The following CASKIN1 variants were observed in gnomAD, a reference collection of about 807,000 sequenced individuals.
CASKIN1 encodes caskin-1.
In CASKIN1, 42 loss-of-function variants were observed where a neutral mutation model predicts 117.5. The observed-to-expected ratio is 0.36, with a 90% CI of 0.28 to 0.46. The LOEUF (loss-of-function observed/expected upper bound fraction) is 0.46, where lower values mean the gene tolerates loss of function less well. Among genes scored for constraint, CASKIN1 ranks in the 20% least tolerant of loss-of-function variants. CASKIN1 has a pLI of 1.00. For synonymous variants in CASKIN1, 1,148 were observed against 961.7 expected (o/e 1.19, Z -3.59); for missense variants, 2,083 against 2,077.3 (o/e 1.00, Z -0.05).
intron 1 of CASKIN1, among the ~76,000 whole-genome samples, chr16:2,194,473 G>A (rs1440744256): frequency 6.6e-6 from 1 of 152,168 alleles, no homozygotes; most frequent in Non-Finnish European, 1.5e-5. Flanking sequence ...GCAACCAGAG[G>A]GGACCATGGA....
rs1030069400 is a variant in CASKIN1 at position 2,181,516 on chromosome 16, G to C, written c.1852C>G (p.Leu618Val). 6.2e-7 allele frequency: 1 copy of C among 1,607,640 alleles called. No individual in the cohort carries two copies. The highest frequency in any genetic ancestry group is 1.3e-5 in the African/African-American group (1 of 75,006). The change falls in exon 18 of 20, where the codon CTG becomes GTG. Residue 618 changes from leucine (L) to valine (V), a missense_variant. Leu to Val is a conservative substitution (Grantham distance 32, BLOSUM62 1). Coordinates refer to ENST00000343516, the MANE Select transcript of CASKIN1 (RefSeq NM_020764.4). ...AEYAKYEGGP[L>V]RRKAPQSLEV... is the part of the protein sequence containing the mutation. The stretch of plus-strand genomic sequence containing the variant: ...AGAGACTGGGGCGCCTTCCGGCGCA[G>C]GGGGCCCCCCTCATACTTGGCGTAT...
At chr16:2,185,278 C>T (rs144349037) in intron 11 of CASKIN1, 29 bp downstream of exon 11, 809 of 1,595,386 alleles carry the variant, frequency 5.1e-4, no homozygotes, top group Middle Eastern at 4.0e-3. Context: ...GAAGTCCTGC[C>T]ACCTCTGCCC....
At position 2,180,503 on chromosome 16, in the gene CASKIN1, C is replaced by G. The variant is rs1407451903; in HGVS notation, c.2865G>C (p.Ser955=). 1.3e-6 allele frequency: 2 copies of G among 1,549,500 alleles called. No homozygotes were observed. Among genetic ancestry groups the G allele is most frequent in the Non-Finnish European group, 1.7e-6 (2 of 1,153,626 alleles). The change falls in exon 18 of 20, where the codon TCG becomes TCC. Residue 955 remains serine, a synonymous_variant. Transcript: ENST00000343516. ...CCGCCAGGTTGGCACTAGCCAGGGC[C>G]GAGCTGGAGCGCTTGGGTGGGGGCG... The part of the protein sequence containing the change: ...PPPPPPKRSS[S]ALASANLADE...
chr16:2,180,821 C>G lies in CASKIN1; in HGVS notation c.2547G>C (p.Pro849=). The change falls in exon 18 of 20, where the codon CCG becomes CCC. Residue 849 remains proline (P), a synonymous_variant. Transcript: ENST00000343516. ...TCGGCACGGGTGGGGGCGCAGGCCC[C>G]GGGGCAGCCGGCCCCACCTCGCCCT... ...PVEGEVGPAA[P]GPAPPPVPTA... 1 of 1,386,734 alleles carries G rather than the reference C, an allele frequency of 7.2e-7. No individual in the cohort carries two copies. Among genetic ancestry groups the G allele is most frequent in the East Asian group, 2.9e-5 (1 of 34,864 alleles). The allele number at this position is 1,386,734 out of a possible 1,614,324, so 85.9% of individuals were successfully genotyped here. A position where few individuals can be genotyped will look rare whatever the true frequency, so the allele number is the denominator to read the frequency against.
At chr16:2,181,649 AG>A (rs1353852019) in intron 17 of CASKIN1, 50 bp from the exon 18 acceptor site, 1 of 201,792 alleles carries the variant, frequency 5.0e-6, no homozygotes, top group Non-Finnish European at 7.6e-6. Flanking sequence ...GCGGAGGGGC[AG>A]GGGCCGGGCT....
rs1395188923 is a variant in CASKIN1, at chr16:2,178,998, C to T, written c.4103G>A (p.Ser1368Asn). Residue 1368 changes from serine (S) to asparagine (N), a missense_variant, in exon 19 of 20, where the codon AGC (serine) becomes AAC (asparagine). Physicochemically the swap from Ser to Asn is conservative, Grantham distance 46. This residue lies in a region of CASKIN1 where 1,818 missense variants were observed against 1,688.9 expected (regional missense o/e 1.08). Transcript: ENST00000343516. ...TGTCTCCTCCAGTTTCTGCCGGGCG[C>T]TGTCCCCTGGCGAGGCGCCTTCGGG... Reference protein sequence around the residue: ...APPEGASPGDSARQKLEETSA... With the variant: ...APPEGASPGDNARQKLEETSA... 2.3e-6 allele frequency: 3 copies of T among 1,322,794 alleles called. No homozygotes were observed. The highest frequency in any genetic ancestry group is 2.8e-4 in the Middle Eastern group (1 of 3,516). The allele number at this position is 1,322,794 out of a possible 1,614,324, so 81.9% of individuals were successfully genotyped here.
intron 1 of CASKIN1, among the ~76,000 whole-genome samples, chr16:2,193,301 G>C (rs1255198076): frequency 6.6e-6 from 1 of 152,228 alleles, no homozygotes; most frequent in Non-Finnish European, 1.5e-5. Context: ...ACAGGCATGA[G>C]CCACCATGCC....
Position 2,179,765 on chromosome 16 carries a change from CG to C in CASKIN1, c.3602del (p.Pro1201ArgfsTer32). On this transcript the variant is annotated frameshift_variant, in exon 18 of 20. Coordinates refer to ENST00000343516, the MANE Select transcript of CASKIN1 (RefSeq NM_020764.4). LOFTEE classifies it high-confidence loss of function. The surrounding 1 kb of genome is among the most constrained non-coding windows in gnomAD (Gnocchi z 5.8). ...LPPPPPPAEP[P>X]PTDLAHLPPL... ...GGGGTAGGTGCGCCAGGTCGGTGGG[CG>C]GGGGTTCGGCAGGCGGGGGCGGTGG... 8.0e-7 allele frequency: 1 copy of C among 1,254,742 alleles called. No individual in the cohort carries two copies. 77.7% of individuals were successfully genotyped at this position (1,254,742 alleles called of 1,614,324 possible).
Position 2,181,132 on chromosome 16 carries a change from G to C in CASKIN1, c.2236C>G (p.Arg746Gly), listed in dbSNP as rs938203768. 1.4e-6 allele frequency: 2 copies of C among 1,477,026 alleles called. No homozygotes were observed. Among genetic ancestry groups the C allele is most frequent in the Admixed American group, 5.2e-5 (2 of 38,562 alleles). The allele number at this position is 1,477,026 out of a possible 1,614,324, so 91.5% of individuals were successfully genotyped here. A position where few individuals can be genotyped will look rare whatever the true frequency, so the allele number is the denominator to read the frequency against. Reference sequence around the variant, plus strand: ...GCCCTCTTGATGCTGTGGCCGTGGCGGCCGGGCCGGGCCTCCCTGGGCGGG... The same window carrying C: ...GCCCTCTTGATGCTGTGGCCGTGGCCGCCGGGCCGGGCCTCCCTGGGCGGG... ...GTPPREARPG[R>G]HGHSIKRASV... The change falls in exon 18 of 20, where the codon CGC (arginine) becomes GGC (glycine). Residue 746 changes from arginine to glycine, a missense_variant. By Grantham distance (125) the Arg-to-Gly change is moderately radical. Coordinates refer to ENST00000343516, the MANE Select transcript of CASKIN1 (RefSeq NM_020764.4).
chr16:2,187,049 G>A lies in CASKIN1; in HGVS notation c.859C>T (p.Arg287Trp), dbSNP rs767898785. Residue 287 changes from arginine to tryptophan, a missense_variant, in exon 9 of 20, where the codon CGG (arginine) becomes TGG (tryptophan). By Grantham distance (101) the Arg-to-Trp change is moderately radical. This residue lies in a region of CASKIN1 where 1,818 missense variants were observed against 1,688.9 expected (regional missense o/e 1.08). Transcript: ENST00000343516. The part of the protein sequence containing the change: ...LREASAALQV[R>W]ATKDYCNNYD... ...TTGTTGCAATAATCCTTGGTCGCCC[G>A]GACCTGCAGGGCCGCTGAGGCCTCT... 8 of 1,613,660 alleles carry A rather than the reference G, an allele frequency of 5.0e-6. No individual in the cohort carries two copies. The highest frequency in any genetic ancestry group is 1.1e-5 in the South Asian group (1 of 91,080).
chr16:2,189,734 G>A (rs1162107740), intron 3 of CASKIN1, among the ~76,000 whole-genome samples, 170 bp from the exon 4 acceptor site: 4 of 151,368 alleles, frequency 2.6e-5, no homozygotes, highest in African/African-American at 9.7e-5. Context: ...GGGGGCGGGG[G>A]TTTGCTGGGA....
In CASKIN1 at chr16:2,180,354, G is replaced by A. The variant is rs758788298; in HGVS notation, c.3014C>T (p.Ala1005Val). The change falls in exon 18 of 20, where the codon GCG (alanine) becomes GTG (valine). Residue 1005 changes from alanine (A) to valine (V), a missense_variant. Physicochemically the swap from Ala to Val is moderately conservative, Grantham distance 64. Around this residue, in one of 3 missense-constraint regions of CASKIN1, gnomAD observed 1,818 missense variants for 1,688.9 expected, o/e 1.08. Transcript: ENST00000343516. ...TGSAGSVKSI[A>V]AMLELSSIGG... The stretch of plus-strand genomic sequence containing the variant: ...AATGGAGGACAGCTCCAGCATGGCC[G>A]CGATGCTCTTCACACTGCCGGCACT... 6.3e-7 allele frequency: 1 copy of A among 1,596,554 alleles called. No homozygotes were observed. The highest frequency in any genetic ancestry group is 8.5e-7 in the Non-Finnish European group (1 of 1,177,640).
At chr16:2,178,697 G>T in intron 19 of CASKIN1, 51 bp from the exon 20 acceptor site, 13 of 1,496,896 alleles carry the variant, frequency 8.7e-6, no homozygotes, top group Non-Finnish European at 1.1e-5. Context: ...GTCTGGCCAC[G>T]CCCACCCCGA....
intron 10 of CASKIN1, 31 bp downstream of exon 10, chr16:2,186,676 T>C: frequency 5.7e-6 from 9 of 1,588,546 alleles, no homozygotes; most frequent in Non-Finnish European, 7.8e-6. Context: ...CAGGGGCTCC[T>C]GCCTGCCCCC....
chr16:2,184,238 T>A (rs1386452724), intron 14 of CASKIN1, among the ~76,000 whole-genome samples: 1 of 152,066 alleles, frequency 6.6e-6, no homozygotes, highest in African/African-American at 2.4e-5. Context: ...TGTCCCCTGC[T>A]CCTGCACCAG....
Position 2,181,416 on chromosome 16 carries a change from G to T in CASKIN1, c.1952C>A (p.Thr651Asn), listed in dbSNP as rs750636833. The T allele has an allele frequency of 1.2e-6, 2 of 1,612,230 alleles. No individual in the cohort carries two copies. Among genetic ancestry groups the T allele is most frequent in the Non-Finnish European group, 1.7e-6 (2 of 1,179,804 alleles). Residue 651 changes from threonine to asparagine, a missense_variant, in exon 18 of 20, where the codon ACC (threonine) becomes AAC (asparagine). Coordinates refer to ENST00000343516, the MANE Select transcript of CASKIN1 (RefSeq NM_020764.4). ...PADCQSPKMT[T>N]FQDSELSDEL... ...GTCACTGAGCTCGCTGTCCTGGAAG[G>T]TGGTCATTTTAGGGGACTGGCAGTC...
chr16:2,181,996 C>G (rs1319348119), intron 16 of CASKIN1, 67 bp from the exon 17 acceptor site: 2 of 1,598,216 alleles, frequency 1.3e-6, no homozygotes, highest in African/African-American at 2.7e-5. Flanking sequence ...CTACCTGGAG[C>G]TGGAGGAGGA....
intron 1 of CASKIN1, among the ~76,000 whole-genome samples, chr16:2,191,433 C>T (rs1259072717): frequency 6.6e-6 from 1 of 152,220 alleles, no homozygotes; most frequent in Non-Finnish European, 1.5e-5. Context: ...TGCTCTGCCA[C>T]TCACCAGCCT....
intron 1 of CASKIN1, among the ~76,000 whole-genome samples, chr16:2,193,639 C>G (rs545400371): frequency 6.6e-6 from 1 of 152,368 alleles, no homozygotes; most frequent in East Asian, 1.9e-4. Flanking sequence ...GCTGAAATCT[C>G]GGAGAGGCTG....
Sources: gnomAD v4.1 joint callset for allele counts (sites outside exome capture counted in the v4.1 genomes callset) on GRCh38, gnomAD v4.1.1 for gene constraint, gnomAD v4.1.1 regional missense constraint, Gnocchi (gnomAD v3.1) non-coding constraint, MANE v1.5 for transcripts, NCBI Gene and HGNC (gene_info 2026-07-23, HGNC 2026-07-21) for gene names.